AP3S1: variants seen among roughly 807,000 people sequenced by gnomAD.
The protein encoded by AP3S1 is adaptor related protein complex 3 subunit sigma 1.
A neutral mutation model predicts 21.3 loss-of-function variants in AP3S1; 12 were observed. The ratio of observed to expected loss-of-function variants is 0.56; its 90% CI spans 0.36 to 0.91. The LOEUF (loss-of-function observed/expected upper bound fraction) is 0.91. AP3S1 is among the 40% of genes least tolerant of loss of function. The pLI is 0.01. For missense variants in AP3S1, 116 were observed against 225.0 expected, an observed-to-expected ratio of 0.52 and a Z score of 3.10; for synonymous variants, 48 against 78.4, an observed-to-expected ratio of 0.61 and a Z score of 2.05.
At chr5:115,908,041 C>G (rs1751800124) in intron 5 of AP3S1, among the ~76,000 whole-genome samples, 1 of 152,024 alleles carries the variant, frequency 6.6e-6, no homozygotes, top group Non-Finnish European at 1.5e-5. Flanking sequence ...CAAAGCATTG[C>G]CTTTTAGCCA....
intron 2 of AP3S1, among the ~76,000 whole-genome samples, chr5:115,868,936 G>A (rs181909063): frequency 5.1e-4 from 40 of 77,858 alleles, no homozygotes; most frequent in African/African-American, 1.7e-3. Context: ...GAGGGAGGGA[G>A]GGAAGGAAGG....
In AP3S1 at chr5:115,856,298, T is replaced by C. The variant is rs183046565; in HGVS notation, c.70-10372T>C. Among the ~76,000 whole-genome samples, 380 of 152,342 alleles carry C rather than the reference T, an allele frequency of 2.5e-3. 3 individuals carry two copies. The highest frequency in any genetic ancestry group is 8.6e-3 in the African/African-American group (359 of 41,578). ...TTGATTAAAATTTTAAGGCATTCTTTCCTATATTGTTTTCTTTTTTCTTCA... is the reference window on the plus strand; with the variant it reads ...TTGATTAAAATTTTAAGGCATTCTTCCCTATATTGTTTTCTTTTTTCTTCA... On this transcript the variant is annotated intron_variant, in intron 1 of 5. Transcript: ENST00000316788.
intron 1 of AP3S1, among the ~76,000 whole-genome samples, chr5:115,845,158 C>A (rs1000681440): frequency 8.5e-5 from 13 of 152,064 alleles, no homozygotes; most frequent in African/African-American, 3.1e-4. Flanking sequence ...AAGTATATGT[C>A]CAATATGAAT....
At chr5:115,874,800 A>G (rs190310300) in intron 3 of AP3S1, among the ~76,000 whole-genome samples, 1 of 152,034 alleles carries the variant, frequency 6.6e-6, no homozygotes, top group East Asian at 1.9e-4. Context: ...TTGTTTCAAC[A>G]TGTTGCCTAC....
At chr5:115,862,086 C>A (rs1282469088) in intron 1 of AP3S1, among the ~76,000 whole-genome samples, 2 of 151,928 alleles carry the variant, frequency 1.3e-5, no homozygotes, top group African/African-American at 2.4e-5. Context: ...CCGTAATTAT[C>A]CTTCTGTGAC....
chr5:115,892,746 G>T (rs1750423916), intron 3 of AP3S1, among the ~76,000 whole-genome samples: 2 of 152,124 alleles, frequency 1.3e-5, no homozygotes, highest in African/African-American at 4.8e-5. Context: ...CCTACTATTT[G>T]ATAGCTCAAT....
At chr5:115,842,849 T>C (rs908957011) in intron 1 of AP3S1, among the ~76,000 whole-genome samples, 12 of 152,372 alleles carry the variant, frequency 7.9e-5, no homozygotes, top group Non-Finnish European at 1.3e-4. Flanking sequence ...CGTTTGTAGT[T>C]GACTGATTGG....
intron 1 of AP3S1, among the ~76,000 whole-genome samples, chr5:115,857,887 GTTT>G (rs1394837644): frequency 3.9e-5 from 6 of 152,126 alleles, no homozygotes; most frequent in Non-Finnish European, 7.4e-5. Context: ...AAACTGTACT[GTTT>G]TTTCTTTCCT....
intron 1 of AP3S1, among the ~76,000 whole-genome samples, chr5:115,865,828 C>G (rs1763565360): frequency 6.6e-6 from 1 of 152,142 alleles, no homozygotes; most frequent in South Asian, 2.1e-4. Flanking sequence ...GAGATAGAAT[C>G]TCACTCTGTC....
rs1164325381 is a variant in AP3S1 at position 115,847,634 on chromosome 5, T to A, written c.69+5528T>A. Among the ~76,000 whole-genome samples the A allele has an allele frequency of 4.6e-5, 7 of 152,290 alleles. No homozygotes were observed. In the South Asian group the frequency reaches 1.2e-3, roughly 27 times the overall value. ...CCCTGTCTCAACAAATTTAAAAAAA[T>A]ATATGTTTTTATTGAGGTATAGATG... On this transcript the variant is annotated intron_variant, in intron 1 of 5. Transcript: ENST00000316788.
At chr5:115,891,743 C>T (rs1461348723) in intron 3 of AP3S1, among the ~76,000 whole-genome samples, 2 of 152,136 alleles carry the variant, frequency 1.3e-5, no homozygotes, top group Admixed American at 1.3e-4. Flanking sequence ...GATAGATCCA[C>T]TGACAGCTTG....
chr5:115,860,313 C>A (rs534539609), intron 1 of AP3S1, among the ~76,000 whole-genome samples: 1 of 152,346 alleles, frequency 6.6e-6, no homozygotes, highest in African/African-American at 2.4e-5. Flanking sequence ...TCCTTAATCA[C>A]ATCTGCAAAG....
chr5:115,892,351 G>A (rs1750381682), intron 3 of AP3S1, among the ~76,000 whole-genome samples: 1 of 152,170 alleles, frequency 6.6e-6, no homozygotes, highest in Non-Finnish European at 1.5e-5. Context: ...AGAGATATCT[G>A]CACTCCCATA....
At chr5:115,908,196 T>G (rs1355693543) in intron 5 of AP3S1, among the ~76,000 whole-genome samples, 1 of 152,186 alleles carries the variant, frequency 6.6e-6, no homozygotes, top group East Asian at 1.9e-4. Flanking sequence ...ATTTTGTCCC[T>G]CATATAGAGA....
rs545294134 is a variant in AP3S1, at chr5:115,894,628, CTG to C, written c.274-456_274-455del. Among the ~76,000 whole-genome samples the C allele has an allele frequency of 5.1e-3, 770 of 152,278 alleles. 2 individuals carry two copies. The highest frequency in any genetic ancestry group is 7.3e-3 in the South Asian group (35 of 4,822). ...ACCCAGGTAAGTCTGATTCCAAAGT[CTG>C]TGCTTTTTCGCTAAGTAGTTTTTAG... On this transcript the variant is annotated intron_variant, in intron 3 of 5. Transcript: ENST00000316788.
intron 3 of AP3S1, among the ~76,000 whole-genome samples, chr5:115,884,114 G>T (rs1422527075): frequency 2.0e-5 from 3 of 152,040 alleles, no homozygotes; most frequent in Non-Finnish European, 2.9e-5. Context: ...TGGTTGCTGA[G>T]ATCTATTAAT....
chr5:115,867,891 A>G (rs1219809624), intron 2 of AP3S1, among the ~76,000 whole-genome samples: 1 of 152,186 alleles, frequency 6.6e-6, no homozygotes, highest in Non-Finnish European at 1.5e-5. Context: ...TTGTGGCTGG[A>G]AATTGTGATT....
chr5:115,862,532 G>A (rs1763276570), intron 1 of AP3S1, among the ~76,000 whole-genome samples: 1 of 152,152 alleles, frequency 6.6e-6, no homozygotes, highest in African/African-American at 2.4e-5. Flanking sequence ...GTAAACAAAT[G>A]TAAAGATGCA....
intron 5 of AP3S1, among the ~76,000 whole-genome samples, chr5:115,904,940 C>G (rs1203407187): frequency 6.6e-6 from 1 of 152,014 alleles, no homozygotes; most frequent in African/African-American, 2.4e-5. Context: ...AAATATTGAC[C>G]AGTTGTCTGG....
Sources: allele counts gnomAD v4.1 joint callset (sites outside exome capture counted in the v4.1 genomes callset), GRCh38; gene constraint gnomAD v4.1.1; transcripts MANE v1.5; gene names NCBI Gene and HGNC (gene_info 2026-07-23, HGNC 2026-07-21).